Variants in SYN2 observed in about 807,000 individuals in gnomAD.
SYN2 encodes the protein synapsin II.
A neutral mutation model predicts 50.9 loss-of-function variants in SYN2; 19 were observed. The ratio of observed to expected loss-of-function variants is 0.37; its 90% CI spans 0.26 to 0.55. SYN2 has a LOEUF of 0.55. SYN2 is among the 20% of genes least tolerant of loss of function. The pLI, the probability that SYN2 is intolerant of heterozygous loss-of-function variation, is 0.81. For missense variants in SYN2, 587 were observed against 576.4 expected (o/e 1.02, Z -0.19); for synonymous variants, 255 against 224.9 (o/e 1.13, Z -1.20).
chr3:12,058,281 A>T (rs1222895122), intron 1 of SYN2, among the ~76,000 whole-genome samples: 3 of 152,322 alleles, frequency 2.0e-5, no homozygotes, highest in Non-Finnish European at 1.5e-5. Context: ...ATGACGGTAG[A>T]TGATTTCTGA....
intron 1 of SYN2, among the ~76,000 whole-genome samples, chr3:12,006,936 A>AT (rs1271746541): frequency 5.3e-5 from 8 of 152,106 alleles, no homozygotes; most frequent in Non-Finnish European, 1.5e-5. Flanking sequence ...TTCGTGCTTT[A>AT]TTTTTCTGTG....
At chr3:12,104,645 G>A (rs1696146688) in intron 1 of SYN2, among the ~76,000 whole-genome samples, 1 of 136,086 alleles carries the variant, frequency 7.3e-6, no homozygotes, top group African/African-American at 2.9e-5. Context: ...AGCGATCTTG[G>A]CTCACTGCAC....
In SYN2 at chr3:12,004,714, T is replaced by G. The variant is rs1379794082; in HGVS notation, c.163T>G (p.Ser55Ala). 1 of 160,416 alleles carries G rather than the reference T, an allele frequency of 6.2e-6. No homozygotes were observed. Among genetic ancestry groups the G allele is most frequent in the Non-Finnish European group, 1.3e-5 (1 of 78,042 alleles). The allele number at this position is 160,416 out of a possible 1,614,324, so 9.9% of individuals were successfully genotyped here. ...GGCCTCGGCGGCGCCCCCGACCGCCTCGCCGGGCCCGGAGCGGAGGCCGCC... is the reference window on the plus strand; with the variant it reads ...GGCCTCGGCGGCGCCCCCGACCGCCGCGCCGGGCCCGGAGCGGAGGCCGCC... ...ASASAAPPTA[S>A]PGPERRPPPA... The change falls in exon 1 of 13, where the codon TCG (serine) becomes GCG (alanine). Residue 55 changes from serine to alanine, a missense_variant. Ser to Ala is a moderately conservative substitution (Grantham distance 99). Coordinates refer to ENST00000621198, the MANE Select transcript of SYN2 (RefSeq NM_133625.6).
intron 1 of SYN2, among the ~76,000 whole-genome samples, chr3:12,135,048 A>G (rs1278946893): frequency 6.6e-6 from 1 of 152,212 alleles, no homozygotes; most frequent in African/African-American, 2.4e-5. Context: ...TCTTTGAGGG[A>G]GGGAAGTGGA....
intron 1 of SYN2, among the ~76,000 whole-genome samples, chr3:12,009,395 T>A (rs2125129617): frequency 6.6e-6 from 1 of 152,280 alleles, no homozygotes; most frequent in Non-Finnish European, 1.5e-5. Context: ...TACCTTTAAC[T>A]TTTATATTTT....
At chr3:12,061,985 C>T (rs892186319) in intron 1 of SYN2, among the ~76,000 whole-genome samples, 1 of 151,932 alleles carries the variant, frequency 6.6e-6, no homozygotes, top group Admixed American at 6.6e-5. Context: ...CAATCAAAAT[C>T]CCAGAAAGCA....
Position 12,140,685 on chromosome 3 carries a change from G to A in SYN2, c.412G>A (p.Asp138Asn). ...CTTTCGGGGCAAAAAAGTCCTTGGA[G>A]ATTATGATATCAAGGTGGAACAGGT... ...KCFRGKKVLGDYDIKVEQAEF... is the reference protein window; with the variant it reads ...KCFRGKKVLGNYDIKVEQAEF... The change falls in exon 2 of 13, where the codon GAT becomes AAT. Residue 138 changes from aspartate (D) to asparagine (N), a missense_variant. By Grantham distance (23) the Asp-to-Asn change is conservative. Transcript: ENST00000621198. 1 of 764,462 alleles carries A rather than the reference G, an allele frequency of 1.3e-6. No individual in the cohort carries two copies. The highest frequency in any genetic ancestry group is 2.4e-6 in the Non-Finnish European group (1 of 409,642). The allele number at this position is 764,462 out of a possible 1,614,324, so 47.4% of individuals were successfully genotyped here.
chr3:12,174,701 C>T (rs868334890), intron 10 of SYN2, among the ~76,000 whole-genome samples: 2 of 152,106 alleles, frequency 1.3e-5, no homozygotes, highest in Non-Finnish European at 1.5e-5. Context: ...AAGATGGTCT[C>T]GATCTCCTGA....
intron 1 of SYN2, among the ~76,000 whole-genome samples, chr3:12,108,509 T>C (rs1696246606): frequency 6.6e-6 from 1 of 152,208 alleles, no homozygotes; most frequent in Admixed American, 6.5e-5. Context: ...AGTTCGGAGA[T>C]AGGAGTGGGA....
At chr3:12,164,483 A>C (rs1426295941) in intron 7 of SYN2, among the ~76,000 whole-genome samples, 1 of 152,174 alleles carries the variant, frequency 6.6e-6, no homozygotes, top group Non-Finnish European at 1.5e-5. Context: ...TTGTGGCTAT[A>C]TTCCTGCTCT....
At chr3:12,159,904 G>A (rs929415816) in intron 5 of SYN2, among the ~76,000 whole-genome samples, 3 of 151,980 alleles carry the variant, frequency 2.0e-5, no homozygotes, top group Admixed American at 2.0e-4. Context: ...TTAGCCGGGC[G>A]TGGTGGCCTA....
rs1559397118 is a variant in SYN2, at chr3:12,044,202, CACACACA to C, written c.377+39275_377+39281del. On this transcript the variant is annotated intron_variant, in intron 1 of 12. Transcript: ENST00000621198. ...TCTCTCACACACACACACACACACA[CACACACA>C]CACACACACACACAGGTGTGAGGAG... 8.6e-5 allele frequency among the ~76,000 whole-genome samples: 13 copies of C among 150,622 alleles called. No individual in the cohort carries two copies. In the East Asian group the frequency reaches 1.6e-3, roughly 18 times the overall value.
chr3:12,021,503 A>G lies in SYN2; in HGVS notation c.377+16575A>G, dbSNP rs150735251. On this transcript the variant is annotated intron_variant, in intron 1 of 12. Transcript: ENST00000621198. ...TTAAAAATATGTGAAATGTCATGCT[A>G]CTTTGGAGGCTGAGGTGGGTGGACC... Among the ~76,000 whole-genome samples the G allele has an allele frequency of 4.6e-3, 705 of 152,300 alleles. 5 individuals carry two copies. The highest frequency in any genetic ancestry group is 0.016 in the African/African-American group (647 of 41,560).
chr3:12,093,268 T>G (rs1695866170), intron 1 of SYN2, among the ~76,000 whole-genome samples: 1 of 152,214 alleles, frequency 6.6e-6, no homozygotes, highest in African/African-American at 2.4e-5. Context: ...GTGGTCATAT[T>G]AGTATTGTGG....
chr3:12,074,653 C>T (rs974875668), intron 1 of SYN2, among the ~76,000 whole-genome samples: 1 of 152,002 alleles, frequency 6.6e-6, no homozygotes, highest in Non-Finnish European at 1.5e-5. Flanking sequence ...TGTTCTGTGG[C>T]TTGGATTTAT....
In SYN2 at chr3:12,074,176, A is replaced by G. The variant is rs1695421609; in HGVS notation, c.378-66475A>G. On this transcript the variant is annotated intron_variant, in intron 1 of 12. Coordinates refer to ENST00000621198, the MANE Select transcript of SYN2 (RefSeq NM_133625.6). ...TAGTTTTGTCTAATTTTAGCCTGGT[A>G]CATCTTTTTCTATCCCTTTACTTTC... Among the ~76,000 whole-genome samples the G allele has an allele frequency of 2.0e-5, 3 of 152,078 alleles. No homozygotes were observed. In the South Asian group the frequency reaches 6.2e-4, roughly 31 times the overall value.
chr3:12,174,687 G>A (rs310754), intron 10 of SYN2, among the ~76,000 whole-genome samples: 96,861 of 151,992 alleles, frequency 0.64, 33,586 homozygotes, highest in South Asian at 0.79. Flanking sequence ...TCACCATGTT[G>A]GCCAAGATGG....
At chr3:12,162,544 C>T (rs1486245787) in intron 7 of SYN2, among the ~76,000 whole-genome samples, 2 of 152,180 alleles carry the variant, frequency 1.3e-5, no homozygotes, top group African/African-American at 4.8e-5. Flanking sequence ...GCCACTACCT[C>T]CTGTTACTTA....
rs1367101739 is a variant in SYN2, at chr3:12,191,733, C to G, written c.*1108C>G. Among the ~76,000 whole-genome samples the G allele has an allele frequency of 6.6e-6, 1 of 152,172 alleles. No individual in the cohort carries two copies. Among genetic ancestry groups the G allele is most frequent in the African/African-American group, 2.4e-5 (1 of 41,432 alleles). On this transcript the variant is annotated 3_prime_UTR_variant, in exon 13 of 13. Coordinates refer to ENST00000621198, the MANE Select transcript of SYN2 (RefSeq NM_133625.6). Reference sequence around the variant, plus strand: ...TGTAACCTTTCAAATAAGCACAGAACCCTTGCTCCCGGAGGAGTCAATTTA... The same window carrying G: ...TGTAACCTTTCAAATAAGCACAGAAGCCTTGCTCCCGGAGGAGTCAATTTA...
Sources: gnomAD v4.1 joint callset for allele counts (sites outside exome capture counted in the v4.1 genomes callset) on GRCh38, gnomAD v4.1.1 for gene constraint, MANE v1.5 for transcripts, NCBI Gene and HGNC (gene_info 2026-07-23, HGNC 2026-07-21) for gene names.